SCFD1: variants seen among roughly 807,000 people sequenced by gnomAD.
The protein encoded by SCFD1 is sec1 family domain-containing protein 1.
SCFD1 carries 37 observed loss-of-function variants against 103.2 expected under a neutral mutation model. The ratio of observed to expected loss-of-function variants is 0.36; its 90% CI spans 0.28 to 0.47. The LOEUF (loss-of-function observed/expected upper bound fraction) is 0.47, where lower values mean the gene tolerates loss of function less well. Ranked by LOEUF, SCFD1 falls within the 20% of genes least tolerant of loss-of-function variation. The pLI is 1.00. For synonymous variants in SCFD1, 264 were observed against 245.0 expected, an observed-to-expected ratio of 1.08 and a Z score of -0.73; for missense variants, 639 against 761.2, an observed-to-expected ratio of 0.84 and a Z score of 1.89.
At chr14:30,676,854 G>A (rs79160393) in intron 14 of SCFD1, among the ~76,000 whole-genome samples, 5 of 152,322 alleles carry the variant, frequency 3.3e-5, no homozygotes, top group African/African-American at 1.2e-4. Flanking sequence ...TATTATAGAT[G>A]TGTAGGTGAA....
chr14:30,679,188 C>CTTA (rs1298417306), intron 14 of SCFD1, among the ~76,000 whole-genome samples: 1 of 151,906 alleles, frequency 6.6e-6, no homozygotes, highest in Non-Finnish European at 1.5e-5. Context: ...TAACAATTTC[C>CTTA]TTATTATCAT....
intron 19 of SCFD1, among the ~76,000 whole-genome samples, chr14:30,709,043 G>GT (rs1407827336): frequency 6.6e-6 from 1 of 151,896 alleles, no homozygotes; most frequent in East Asian, 1.9e-4. Context: ...TCCCATTTGT[G>GT]TTTTTTATTT....
chr14:30,648,253 AAC>A (rs914691911), intron 7 of SCFD1, among the ~76,000 whole-genome samples: 4 of 152,218 alleles, frequency 2.6e-5, no homozygotes, highest in Admixed American at 6.5e-5. Flanking sequence ...ATCAAAAGAA[AAC>A]ACAGTTTTGA....
intron 2 of SCFD1, 56 bp downstream of exon 2, chr14:30,628,335 GT>G: frequency 9.2e-7 from 1 of 1,086,508 alleles, no homozygotes; most frequent in Non-Finnish European, 1.4e-6. Flanking sequence ...CTTATTGGTG[GT>G]AATTGGAGGG....
intron 14 of SCFD1, among the ~76,000 whole-genome samples, chr14:30,684,181 C>T (rs549050257): frequency 3.3e-5 from 5 of 152,310 alleles, no homozygotes; most frequent in African/African-American, 1.2e-4. Flanking sequence ...ACCTGTACTT[C>T]TCAGATAAGT....
At position 30,628,260 on chromosome 14, in the gene SCFD1, C is replaced by T. The variant is rs1158734647; in HGVS notation, c.113C>T (p.Thr38Ile). The change falls in exon 2 of 25, where the codon ACA becomes ATA. Residue 38 changes from threonine (T) to isoleucine (I), a missense_variant. Thr to Ile is a moderately conservative substitution (Grantham distance 89). Transcript: ENST00000458591. ...AATGTGCCTCATATTAAAAACAGCA[C>T]AGGAGAACCAGTATGGAAGGTAAGA... ...NFNVPHIKNS[T>I]GEPVWKVLIY... The T allele has an allele frequency of 6.2e-7, 1 of 1,609,762 alleles. No individual in the cohort carries two copies. The highest frequency in any genetic ancestry group is 8.5e-7 in the Non-Finnish European group (1 of 1,176,482).
chr14:30,638,193 G>A lies in SCFD1; in HGVS notation c.381G>A (p.Leu127=). 1 of 1,612,670 alleles carries A rather than the reference G, an allele frequency of 6.2e-7. No homozygotes were observed. Among genetic ancestry groups the A allele is most frequent in the Admixed American group, 1.7e-5 (1 of 59,772 alleles). The change falls in exon 5 of 25, where the codon CTG becomes CTA. Residue 127 remains leucine (L), a synonymous_variant. Transcript: ENST00000458591. ...TTTCTGCTATTTCAAGAAGTAAACT[G>A]GAAGATATTGCAAATGCAGCGTTAG... is the stretch of plus-strand genomic sequence containing the variant. ...NFISAISRSK[L]EDIANAALAA...
chr14:30,717,321 C>A (rs1892345321), intron 20 of SCFD1, among the ~76,000 whole-genome samples: 2 of 151,638 alleles, frequency 1.3e-5, no homozygotes, highest in African/African-American at 4.8e-5. Flanking sequence ...ACAAAAAATA[C>A]AAAAAATTAG....
chr14:30,730,189 C>T (rs1431512421), intron 23 of SCFD1, among the ~76,000 whole-genome samples: 4 of 152,154 alleles, frequency 2.6e-5, no homozygotes, highest in Non-Finnish European at 5.9e-5. Context: ...GACATGAACT[C>T]ATCCTTTTTT....
intron 14 of SCFD1, chr14:30,683,463 T>A: frequency 2.2e-6 from 1 of 460,150 alleles, no homozygotes. Flanking sequence ...AGAAATGCCC[T>A]TGCTGCCACA....
chr14:30,728,853 T>TCC (rs1893238545), intron 23 of SCFD1, among the ~76,000 whole-genome samples: 1 of 145,848 alleles, frequency 6.9e-6, no homozygotes, highest in South Asian at 2.2e-4. Context: ...TTTTTTTTTT[T>TCC]TTTCCCCCCG....
chr14:30,656,713 C>T (rs1202001087), intron 10 of SCFD1, among the ~76,000 whole-genome samples: 1 of 151,590 alleles, frequency 6.6e-6, no homozygotes, highest in Non-Finnish European at 1.5e-5. Context: ...GTCTCAGATC[C>T]AGTGGTATGA....
At position 30,702,346 on chromosome 14, in the gene SCFD1, T is replaced by C; in HGVS notation, c.1461T>C (p.Leu487=). ...KKALTDAGCN[L]NPLQYIKQWK... Reference sequence around the variant, plus strand: ...CTTTAACTGATGCAGGATGCAACCTTAATCCTTTACAATATATCAAACAGT... The same window carrying C: ...CTTTAACTGATGCAGGATGCAACCTCAATCCTTTACAATATATCAAACAGT... Residue 487 remains leucine (L), a synonymous_variant, in exon 17 of 25, where the codon CTT becomes CTC. Coordinates refer to ENST00000458591, the MANE Select transcript of SCFD1 (RefSeq NM_016106.4). The C allele has an allele frequency of 6.3e-7, 1 of 1,598,218 alleles. No homozygotes were observed. The highest frequency in any genetic ancestry group is 8.5e-7 in the Non-Finnish European group (1 of 1,171,180).
intron 2 of SCFD1, 147 bp downstream of exon 2, chr14:30,628,426 TG>T: frequency 3.4e-6 from 2 of 580,104 alleles, no homozygotes; most frequent in Non-Finnish European, 6.1e-6. Flanking sequence ...TCTCTTAATA[TG>T]AATTGTTTTG....
Position 30,707,994 on chromosome 14 carries a change from T to C in SCFD1, c.1558T>C (p.Leu520=). 3 of 1,612,200 alleles carry C rather than the reference T, an allele frequency of 1.9e-6. No homozygotes were observed. The highest frequency in any genetic ancestry group is 2.5e-6 in the Non-Finnish European group (3 of 1,178,380). The part of the protein sequence containing the change: ...GSTTTKPMGL[L]SRVMNTGSQF... ...TTCTCTTTTGCCCCTACCTAGTCTT[T>C]TATCACGAGTCATGAATACAGGATC... Residue 520 remains leucine, a synonymous_variant, in exon 19 of 25, where the codon TTA becomes CTA. Transcript: ENST00000458591.
chr14:30,649,539 A>T lies in SCFD1; in HGVS notation c.625A>T (p.Ile209Leu). The T allele has an allele frequency of 6.3e-7, 1 of 1,577,860 alleles. No homozygotes were observed. Among genetic ancestry groups the T allele is most frequent in the South Asian group, 1.2e-5 (1 of 84,956 alleles). The part of the protein sequence containing the change: ...CFFVTLGAVP[I>L]IRCSRGTAAE... ...TATTGTTAAAATAGGTGCTGTTCCT[A>T]TAATCAGATGTTCAAGAGGAACAGC... The change falls in exon 8 of 25, where the codon ATA (isoleucine) becomes TTA (leucine). Residue 209 changes from isoleucine to leucine, a missense_variant. By Grantham distance (5) the Ile-to-Leu change is conservative. Coordinates refer to ENST00000458591, the MANE Select transcript of SCFD1 (RefSeq NM_016106.4).
In SCFD1 at chr14:30,626,250, G is replaced by A. The variant is rs949254616; in HGVS notation, c.62-1959G>A. 3.3e-5 allele frequency among the ~76,000 whole-genome samples: 5 copies of A among 152,058 alleles called. No individual in the cohort carries two copies. The East Asian group carries it at 7.7e-4, about 23-fold the overall frequency. On this transcript the variant is annotated intron_variant, in intron 1 of 24. Coordinates refer to ENST00000458591, the MANE Select transcript of SCFD1 (RefSeq NM_016106.4). ...CTCTGAAGTAGGTAATATTGGTAAT[G>A]TGTATTTTTGGCTGGACATTAGGTA... is the stretch of plus-strand genomic sequence containing the variant.
chr14:30,707,712 T>A, intron 18 of SCFD1: 1 of 409,930 alleles, frequency 2.4e-6, no homozygotes, highest in Admixed American at 3.5e-5. Flanking sequence ...GACTAGGAAA[T>A]TAAGATGTTT....
At chr14:30,629,871 A>G (rs898020039) in intron 2 of SCFD1, among the ~76,000 whole-genome samples, 9 of 151,894 alleles carry the variant, frequency 5.9e-5, no homozygotes, top group African/African-American at 1.9e-4. Flanking sequence ...CCACTGTGCC[A>G]CAGCCAGGGA....
Sources: gnomAD v4.1 joint callset for allele counts (sites outside exome capture counted in the v4.1 genomes callset) on GRCh38, gnomAD v4.1.1 for gene constraint, MANE v1.5 for transcripts, NCBI Gene and HGNC (gene_info 2026-07-23, HGNC 2026-07-21) for gene names.